The following TOPAZ1 variants were observed in gnomAD, a reference collection of about 807,000 sequenced individuals.
TOPAZ1 encodes the protein protein TOPAZ1.
Under a neutral mutation model 172.2 loss-of-function variants are expected in TOPAZ1, and 66 were observed. The ratio of observed to expected loss-of-function variants is 0.38; its 90% CI spans 0.31 to 0.47. The LOEUF (loss-of-function observed/expected upper bound fraction) is 0.47, where lower values mean the gene tolerates loss of function less well. Among genes scored for constraint, TOPAZ1 ranks in the 20% least tolerant of loss-of-function variants. The pLI is 0.99. For missense variants in TOPAZ1, 1,822 were observed against 1,972.4 expected, an observed-to-expected ratio of 0.92 and a Z score of 1.44; for synonymous variants, 681 against 683.9, an observed-to-expected ratio of 1.00 and a Z score of 0.07.
chr3:44,295,673 C>T (rs1700186961), intron 12 of TOPAZ1, among the ~76,000 whole-genome samples: 1 of 151,950 alleles, frequency 6.6e-6, no homozygotes. Flanking sequence ...GATCAATATG[C>T]CAAGAAGACA....
At position 44,246,227 on chromosome 3, in the gene TOPAZ1, C is replaced by T. The variant is rs190068396; in HGVS notation, c.2765+956C>T. On this transcript the variant is annotated intron_variant, in intron 2 of 19. Coordinates refer to ENST00000309765, the MANE Select transcript of TOPAZ1 (RefSeq NM_001145030.2). ...AACTTTAAATGGGGCCAAGTAGTAA[C>T]CTTCATGCTCAGGAACTTAATCTAT... Among the ~76,000 whole-genome samples, 55 of 152,128 alleles carry T rather than the reference C, an allele frequency of 3.6e-4. No homozygotes were observed. In the East Asian group the frequency reaches 6.0e-3, roughly 17 times the overall value.
At chr3:44,332,644 G>A (rs1700683410), downstream of TOPAZ1, among the ~76,000 whole-genome samples, 1 of 151,944 alleles carries the variant, frequency 6.6e-6, no homozygotes, top group Non-Finnish European at 1.5e-5. Context: ...AATTTAGGAA[G>A]TTAAAACTCT....
At position 44,273,427 on chromosome 3, in the gene TOPAZ1, A is replaced by G. The variant is rs1035372130; in HGVS notation, c.3372+2617A>G. ...TTCTTACATCTTCTTTTTGTTTTCAATCTCTTTTCCTCTTTACACTATATT... is the reference window on the plus strand; with the variant it reads ...TTCTTACATCTTCTTTTTGTTTTCAGTCTCTTTTCCTCTTTACACTATATT... On this transcript the variant is annotated intron_variant, in intron 8 of 19. Transcript: ENST00000309765. Among the ~76,000 whole-genome samples the G allele has an allele frequency of 2.6e-5, 4 of 152,154 alleles. No homozygotes were observed. The South Asian group carries it at 6.2e-4, about 24-fold the overall frequency.
intron 8 of TOPAZ1, among the ~76,000 whole-genome samples, chr3:44,273,325 T>C (rs1699918183): frequency 6.6e-6 from 1 of 152,214 alleles, no homozygotes; most frequent in South Asian, 2.1e-4. Context: ...AAAAGGTTAG[T>C]TACATGGTGG....
Position 44,290,816 on chromosome 3 carries a change from A to G in TOPAZ1, c.3727A>G (p.Ile1243Val), listed in dbSNP as rs148394412. The change falls in exon 12 of 20, where the codon ATT (isoleucine) becomes GTT (valine). Residue 1243 changes from isoleucine (I) to valine (V), a missense_variant. Physicochemically the swap from Ile to Val is conservative, Grantham distance 29 (BLOSUM62 3). Around this residue, in one of 2 missense-constraint regions of TOPAZ1, gnomAD observed 1,489 missense variants for 1,490.8 expected, o/e 1.00. Transcript: ENST00000309765. ...GCTTGACCCAGAGCACTTTAACTAT[A>G]TTGTTAAGCTTTTATACCAAGTACA... is the stretch of plus-strand genomic sequence containing the variant. ...MVLDPEHFNYIVKLLYQVQAS... is the reference protein window; with the variant it reads ...MVLDPEHFNYVVKLLYQVQAS... 190 of 1,550,452 alleles carry G rather than the reference A, an allele frequency of 1.2e-4. 2 individuals carry two copies. The African/African-American group carries it at 2.3e-3, about 19-fold the overall frequency.
intron 19 of TOPAZ1, among the ~76,000 whole-genome samples, chr3:44,328,837 AAAAT>A (rs1195562275): frequency 6.6e-6 from 1 of 152,256 alleles, no homozygotes; most frequent in East Asian, 1.9e-4. Context: ...AATACCATTG[AAAAT>A]AAAGCCATCA....
intron 12 of TOPAZ1, among the ~76,000 whole-genome samples, chr3:44,300,853 A>G (rs1047140604): frequency 6.9e-6 from 1 of 144,722 alleles, no homozygotes; most frequent in African/African-American, 2.5e-5. Context: ...CAGAAACTGG[A>G]AAAAAAAAAA....
chr3:44,317,705 A>G (rs1700465662), intron 16 of TOPAZ1, among the ~76,000 whole-genome samples: 1 of 152,236 alleles, frequency 6.6e-6, no homozygotes, highest in African/African-American at 2.4e-5. Context: ...AATAGAAAAT[A>G]TTTCCCAAAT....
chr3:44,247,538 T>C (rs2125676969), intron 2 of TOPAZ1, among the ~76,000 whole-genome samples: 1 of 152,342 alleles, frequency 6.6e-6, no homozygotes, highest in Admixed American at 6.5e-5. Context: ...CTAAGCCTTG[T>C]GCCATGTACA....
intron 16 of TOPAZ1, among the ~76,000 whole-genome samples, chr3:44,316,218 C>T (rs1700450525): frequency 6.6e-6 from 1 of 152,268 alleles, no homozygotes; most frequent in South Asian, 2.1e-4. Flanking sequence ...TTCACTCCAG[C>T]CTGGGCAACA....
Position 44,243,656 on chromosome 3 carries a change from G to A in TOPAZ1, c.1150G>A (p.Val384Ile). Residue 384 changes from valine to isoleucine, a missense_variant, in exon 2 of 20, where the codon GTA becomes ATA. By Grantham distance (29) the Val-to-Ile change is conservative. Transcript: ENST00000309765. ...TKSPLNVLRKVSHNTVSLMDH... is the reference protein window; with the variant it reads ...TKSPLNVLRKISHNTVSLMDH... ...AAGTCCTTTAAATGTTTTGAGAAAA[G>A]TAAGCCATAATACAGTCTCTTTGAT... 5.2e-6 allele frequency: 8 copies of A among 1,550,046 alleles called. No individual in the cohort carries two copies. The highest frequency in any genetic ancestry group is 7.0e-6 in the Non-Finnish European group (8 of 1,146,928).
chr3:44,242,026 G>C lies in TOPAZ1; in HGVS notation c.-28G>C, dbSNP rs998967881. 4.1e-5 allele frequency: 63 copies of C among 1,534,270 alleles called. No individual in the cohort carries two copies. The highest frequency in any genetic ancestry group is 1.7e-6 in the Non-Finnish European group (2 of 1,143,772). ...TGGGTTCCTGCGAGCTGGTGCAGAG[G>C]GGCCCCAGCGGGCCGGCCCCGGGGC... On this transcript the variant is annotated 5_prime_UTR_variant, in exon 1 of 20. Transcript: ENST00000309765.
At chr3:44,315,781 G>C (rs918952316) in intron 16 of TOPAZ1, among the ~76,000 whole-genome samples, 5 of 151,998 alleles carry the variant, frequency 3.3e-5, no homozygotes, top group African/African-American at 1.2e-4. Flanking sequence ...TACTCATCAA[G>C]ACCTACTACT....
chr3:44,296,592 AAAAC>A (rs781146435), intron 12 of TOPAZ1, among the ~76,000 whole-genome samples: 74 of 152,226 alleles, frequency 4.9e-4, no homozygotes, highest in Non-Finnish European at 5.1e-4. Context: ...ACCACAAAAA[AAAAC>A]AAAGTTGATG....
At chr3:44,323,394 A>C in intron 18 of TOPAZ1, 99 bp downstream of exon 18, 1 of 709,742 alleles carries the variant, frequency 1.4e-6, no homozygotes, top group East Asian at 3.0e-5. Flanking sequence ...ATGTATTAAA[A>C]GAGCAGTAAT....
chr3:44,256,806 G>T (rs1253728069), intron 4 of TOPAZ1, among the ~76,000 whole-genome samples: 1 of 152,054 alleles, frequency 6.6e-6, no homozygotes, highest in African/African-American at 2.4e-5. Context: ...CCCCAAATTT[G>T]GGAATTAACA....
intron 8 of TOPAZ1, among the ~76,000 whole-genome samples, chr3:44,279,729 T>C (rs1700001616): frequency 6.6e-6 from 1 of 152,138 alleles, no homozygotes; most frequent in Non-Finnish European, 1.5e-5. Context: ...TTCTGGTAAG[T>C]AGCATATCAT....
At chr3:44,257,352 G>GGTGGGT (rs1553645701) in intron 4 of TOPAZ1, among the ~76,000 whole-genome samples, 11 of 110,402 alleles carry the variant, frequency 1.0e-4, no homozygotes, top group Non-Finnish European at 1.1e-4. Context: ...AAAACATAGG[G>GGTGGGT]GTGTGTGTGT....
At chr3:44,259,537 G>A (rs1461229541) in intron 4 of TOPAZ1, among the ~76,000 whole-genome samples, 2 of 152,122 alleles carry the variant, frequency 1.3e-5, no homozygotes, top group African/African-American at 4.8e-5. Context: ...ACTATTGATG[G>A]ACACTTGGTT....
Sources: gnomAD v4.1 joint callset for allele counts (sites outside exome capture counted in the v4.1 genomes callset) on GRCh38, gnomAD v4.1.1 for gene constraint, gnomAD v4.1.1 regional missense constraint, MANE v1.5 for transcripts, NCBI Gene and HGNC (gene_info 2026-07-23, HGNC 2026-07-21) for gene names.